Variants in SSUH2 observed in about 807,000 individuals in gnomAD.
The protein encoded by SSUH2 is ssu-2 homolog.
A neutral mutation model predicts 55.3 loss-of-function variants in SSUH2; 47 were observed. The observed-to-expected ratio is 0.85, with a 90% confidence interval of 0.67 to 1.08. The LOEUF is 1.08. SSUH2 is among the 50% of genes least tolerant of loss of function. The pLI is 0.00. For synonymous variants in SSUH2, 212 were observed against 191.5 expected (o/e 1.11, Z -0.89); for missense variants, 535 against 490.7 (o/e 1.09, Z -0.85).
chr3:8,679,064 C>T lies in SSUH2; in HGVS notation c.-901+641G>A, dbSNP rs1394772060. Among the ~76,000 whole-genome samples, 3 of 109,612 alleles carry T rather than the reference C, an allele frequency of 2.7e-5. 1 individual carries two copies. The highest frequency in any genetic ancestry group is 6.3e-5 in the Non-Finnish European group (3 of 47,574). The allele number at this position is 109,612 out of a possible 152,430, so 71.9% of individuals were successfully genotyped here. A position where few individuals can be genotyped will look rare whatever the true frequency, so the allele number is the denominator to read the frequency against. On this transcript the variant is annotated intron_variant, in intron 2 of 18. Transcript: ENST00000317371. ...CACCAAACGCAGGGGAGGAAGCACC[C>T]CCCGCGAGGCGGGGACTGAGAGCAA... is the stretch of plus-strand genomic sequence containing the variant.
intron 5 of SSUH2, 88 bp from the exon 6 acceptor site, chr3:8,631,017 T>C: frequency 7.8e-7 from 1 of 1,281,256 alleles, no homozygotes; most frequent in East Asian, 2.8e-5. Flanking sequence ...AAGCCTTCAG[T>C]TGGTGCCAGG....
intron 7 of SSUH2, among the ~76,000 whole-genome samples, chr3:8,628,251 G>A (rs1368125751): frequency 6.6e-6 from 1 of 152,180 alleles, no homozygotes; most frequent in Non-Finnish European, 1.5e-5. Context: ...GTGAGCTGGG[G>A]ATGCAAACCC....
chr3:8,676,819 G>C (rs1478019081), intron 3 of SSUH2, among the ~76,000 whole-genome samples: 1 of 147,482 alleles, frequency 6.8e-6, no homozygotes, highest in East Asian at 2.1e-4. Flanking sequence ...CGGGGACTGA[G>C]AGCCAGCCCC....
intron 7 of SSUH2, chr3:8,629,319 C>T: frequency 7.0e-6 from 2 of 287,198 alleles, no homozygotes; most frequent in Non-Finnish European, 1.3e-5. Context: ...TGTTGGTTTC[C>T]CTGGCTGACA....
intron 7 of SSUH2, among the ~76,000 whole-genome samples, chr3:8,651,076 T>C (rs912433291): frequency 8.5e-5 from 13 of 152,238 alleles, no homozygotes; most frequent in Non-Finnish European, 1.6e-4. Flanking sequence ...CCTTCCTTCC[T>C]ACTAATCTGA....
chr3:8,646,263 T>C (rs1338830177), upstream of SSUH2, among the ~76,000 whole-genome samples: 1 of 152,224 alleles, frequency 6.6e-6, no homozygotes, highest in East Asian at 1.9e-4. Context: ...TGATAAATGA[T>C]AGATTAATGA....
intron 2 of SSUH2, among the ~76,000 whole-genome samples, chr3:8,678,267 C>G (rs1240740185): frequency 6.6e-6 from 1 of 152,084 alleles, no homozygotes; most frequent in Non-Finnish European, 1.5e-5. Flanking sequence ...GGAGTAATAT[C>G]AACCTCTCGG....
chr3:8,651,262 G>T (rs886098225), intron 7 of SSUH2, among the ~76,000 whole-genome samples: 1 of 152,138 alleles, frequency 6.6e-6, no homozygotes, highest in Non-Finnish European at 1.5e-5. Context: ...TAAATGCTTC[G>T]GGATCCAGCC....
intron 6 of SSUH2, among the ~76,000 whole-genome samples, chr3:8,662,523 A>G (rs925269489): frequency 1.2e-4 from 19 of 152,208 alleles, no homozygotes; most frequent in South Asian, 6.2e-4. Flanking sequence ...TTTCCTGTGA[A>G]GTACTGAGGC....
At chr3:8,633,012 T>A (rs1357111683) in intron 4 of SSUH2, among the ~76,000 whole-genome samples, 1 of 152,184 alleles carries the variant, frequency 6.6e-6, no homozygotes, top group Non-Finnish European at 1.5e-5. Flanking sequence ...AATTTCCAAT[T>A]TCTCGTCTGT....
intron 5 of SSUH2, among the ~76,000 whole-genome samples, 195 bp downstream of exon 5, chr3:8,631,854 C>G (rs1487337001): frequency 6.6e-6 from 1 of 151,806 alleles, no homozygotes; most frequent in Non-Finnish European, 1.5e-5. Context: ...GGGCAGGAAG[C>G]ATTTCCTAAG....
At chr3:8,662,626 G>C (rs1402071133) in intron 6 of SSUH2, among the ~76,000 whole-genome samples, 7 of 152,200 alleles carry the variant, frequency 4.6e-5, no homozygotes, top group African/African-American at 9.6e-5. Flanking sequence ...GTAGAAGAAG[G>C]CTGAGCACCT....
At chr3:8,631,801 A>G (rs1698844809) in intron 5 of SSUH2, among the ~76,000 whole-genome samples, 1 of 152,050 alleles carries the variant, frequency 6.6e-6, no homozygotes. Context: ...ACCAGACTGT[A>G]GCAAAAGCAA....
At chr3:8,631,914 G>T in intron 5 of SSUH2, 135 bp downstream of exon 5, 1 of 660,508 alleles carries the variant, frequency 1.5e-6, no homozygotes, top group South Asian at 1.9e-5. Context: ...TCATTTTGCA[G>T]GGGGTAAGGA....
At chr3:8,646,772 G>A (rs1701728793), upstream of SSUH2, among the ~76,000 whole-genome samples, 1 of 152,200 alleles carries the variant, frequency 6.6e-6, no homozygotes, top group Admixed American at 6.5e-5. Context: ...GACAGTGTGA[G>A]GCTAGTACTG....
chr3:8,635,269 A>G (rs766667614), intron 3 of SSUH2, 31 bp downstream of exon 3: 1 of 1,503,664 alleles, frequency 6.7e-7, no homozygotes, highest in Non-Finnish European at 8.9e-7. Context: ...TAGGAAATGC[A>G]CACAGTCACA....
intron 1 of SSUH2, among the ~76,000 whole-genome samples, chr3:8,680,636 C>T (rs1242187910): frequency 6.6e-6 from 1 of 152,090 alleles, no homozygotes; most frequent in Non-Finnish European, 1.5e-5. Flanking sequence ...TCATCTTCTT[C>T]CCTCCAGGAT....
At chr3:8,678,458 C>A (rs563950203) in intron 2 of SSUH2, among the ~76,000 whole-genome samples, 2 of 151,422 alleles carry the variant, frequency 1.3e-5, no homozygotes, top group Non-Finnish European at 3.0e-5. Flanking sequence ...CCGCCTCTAT[C>A]CCCCCCTGGC....
intron 5 of SSUH2, among the ~76,000 whole-genome samples, chr3:8,665,550 T>A (rs1189549223): frequency 6.6e-6 from 1 of 152,044 alleles, no homozygotes; most frequent in African/African-American, 2.4e-5. Context: ...TAAGAAAAAA[T>A]AAGTAAATCT....
Sources: allele counts gnomAD v4.1 joint callset (sites outside exome capture counted in the v4.1 genomes callset), GRCh38; gene constraint gnomAD v4.1.1; transcripts MANE v1.5; gene names NCBI Gene and HGNC (gene_info 2026-07-23, HGNC 2026-07-21).